Variants in EYA4 observed in about 807,000 individuals in gnomAD.
The protein encoded by EYA4 is EYA transcriptional coactivator and phosphatase 4.
A neutral mutation model predicts 87.9 loss-of-function variants in EYA4; 31 were observed. The observed-to-expected ratio is 0.35, with a 90% CI of 0.27 to 0.48. The LOEUF is 0.48. Ranked by LOEUF, EYA4 falls within the 20% of genes least tolerant of loss-of-function variation. The pLI is 0.99. For synonymous variants in EYA4, 263 were observed against 270.6 expected, an observed-to-expected ratio of 0.97 and a Z score of 0.28; for missense variants, 678 against 761.4, an observed-to-expected ratio of 0.89 and a Z score of 1.29.
At chr6:133,357,095 C>A (rs1000457904) in intron 2 of EYA4, among the ~76,000 whole-genome samples, 5 of 151,686 alleles carry the variant, frequency 3.3e-5, no homozygotes, top group Non-Finnish European at 5.9e-5. Context: ...AACAGTGAAA[C>A]CCCGTCTCTA....
At chr6:133,441,146 A>T (rs527855956) in intron 3 of EYA4, among the ~76,000 whole-genome samples, 17 of 152,028 alleles carry the variant, frequency 1.1e-4, no homozygotes, top group Non-Finnish European at 2.1e-4. Flanking sequence ...CAGGTTACTT[A>T]TACTCAATTA....
chr6:133,249,468 A>T (rs1405495286), intron 1 of EYA4, among the ~76,000 whole-genome samples: 1 of 152,174 alleles, frequency 6.6e-6, no homozygotes, highest in East Asian at 1.9e-4. Flanking sequence ...AAAATTCCTT[A>T]AAAAATTTGC....
chr6:133,282,966 T>C (rs990544206), intron 2 of EYA4, among the ~76,000 whole-genome samples: 4 of 152,174 alleles, frequency 2.6e-5, no homozygotes, highest in Non-Finnish European at 5.9e-5. Flanking sequence ...ATTTACATAT[T>C]GTTATCTAAT....
At chr6:133,428,132 G>A (rs1434845380) in intron 3 of EYA4, among the ~76,000 whole-genome samples, 2 of 152,116 alleles carry the variant, frequency 1.3e-5, no homozygotes, top group African/African-American at 4.8e-5. Flanking sequence ...GTTGGTTGTG[G>A]ACATATGAAG....
intron 2 of EYA4, among the ~76,000 whole-genome samples, chr6:133,329,541 A>G (rs1781759277): frequency 6.6e-6 from 1 of 152,140 alleles, no homozygotes; most frequent in Non-Finnish European, 1.5e-5. Flanking sequence ...AGCCTCAGTT[A>G]ATACAAAAAT....
chr6:133,380,498 C>T (rs1026957045), intron 2 of EYA4, among the ~76,000 whole-genome samples: 5 of 152,086 alleles, frequency 3.3e-5, no homozygotes, highest in African/African-American at 7.2e-5. Context: ...CTTTCAGTTG[C>T]GAGCATATGT....
chr6:133,481,707 A>T, intron 12 of EYA4, 108 bp downstream of exon 12: 1 of 1,287,666 alleles, frequency 7.8e-7, no homozygotes, highest in Non-Finnish European at 1.1e-6. Context: ...ATCAAGATAT[A>T]TCATGAATTG....
chr6:133,324,089 A>G (rs1254293401), intron 2 of EYA4, among the ~76,000 whole-genome samples: 2 of 152,186 alleles, frequency 1.3e-5, no homozygotes, highest in African/African-American at 2.4e-5. Flanking sequence ...TTCAAAGACA[A>G]CTTGAAAATT....
At chr6:133,392,223 T>C (rs1433687910) in intron 3 of EYA4, among the ~76,000 whole-genome samples, 1 of 152,156 alleles carries the variant, frequency 6.6e-6, no homozygotes, top group African/African-American at 2.4e-5. Flanking sequence ...CAAATACCAA[T>C]TCAAATGCAA....
intron 10 of EYA4, 127 bp downstream of exon 10, chr6:133,464,985 T>C (rs1465672462): frequency 1.5e-6 from 1 of 661,012 alleles, no homozygotes; most frequent in African/African-American, 1.8e-5. Context: ...TATGATAGCA[T>C]TTCAGGATAG....
At chr6:133,460,470 A>G (rs990276361) in intron 6 of EYA4, among the ~76,000 whole-genome samples, 9 of 152,292 alleles carry the variant, frequency 5.9e-5, no homozygotes, top group African/African-American at 2.2e-4. Context: ...GAAAAGTATT[A>G]TCTCTAATAG....
At chr6:133,486,173 C>G (rs537234212) in intron 13 of EYA4, among the ~76,000 whole-genome samples, 1 of 152,216 alleles carries the variant, frequency 6.6e-6, no homozygotes, top group Admixed American at 6.5e-5. Context: ...TTGTCGAATT[C>G]CATGAAAAAC....
chr6:133,306,222 G>A (rs566839347), intron 2 of EYA4, among the ~76,000 whole-genome samples: 3 of 152,272 alleles, frequency 2.0e-5, no homozygotes, highest in South Asian at 2.1e-4. Context: ...TACTTACCGC[G>A]GTAAGTGGCA....
intron 3 of EYA4, among the ~76,000 whole-genome samples, chr6:133,398,943 A>G (rs950282210): frequency 6.6e-6 from 1 of 152,248 alleles, no homozygotes; most frequent in African/African-American, 2.4e-5. Flanking sequence ...GATTAATCAT[A>G]AAGTATGTGG....
intron 11 of EYA4, 97 bp downstream of exon 11, chr6:133,468,828 C>A: frequency 8.2e-7 from 1 of 1,223,486 alleles, no homozygotes. Flanking sequence ...GGAAAGCTCC[C>A]AGATAATTGT....
chr6:133,524,883 A>C, intron 18 of EYA4: 2 of 800,784 alleles, frequency 2.5e-6, no homozygotes, highest in Non-Finnish European at 4.5e-6. Context: ...ATTCAAATAT[A>C]TGTTGATTTC....
chr6:133,402,510 C>A (rs1307878472), intron 3 of EYA4, among the ~76,000 whole-genome samples: 1 of 152,166 alleles, frequency 6.6e-6, no homozygotes, highest in East Asian at 1.9e-4. Context: ...AAGTGAGAAT[C>A]TAGCTATATA....
At chr6:133,396,675 C>A (rs772203459) in intron 3 of EYA4, among the ~76,000 whole-genome samples, 1 of 152,004 alleles carries the variant, frequency 6.6e-6, no homozygotes, top group African/African-American at 2.4e-5. Flanking sequence ...ATGATGAAAA[C>A]CATGGTATAG....
intron 3 of EYA4, among the ~76,000 whole-genome samples, chr6:133,396,149 C>A (rs2128505069): frequency 6.6e-6 from 1 of 152,214 alleles, no homozygotes; most frequent in African/African-American, 2.4e-5. Context: ...AATAATTGTT[C>A]CATTTTTTTA....
Sources: allele counts gnomAD v4.1 joint callset (sites outside exome capture counted in the v4.1 genomes callset), GRCh38; gene constraint gnomAD v4.1.1; transcripts MANE v1.5; gene names NCBI Gene and HGNC (gene_info 2026-07-23, HGNC 2026-07-21).